The following C2orf66 variants were observed in gnomAD, a reference collection of about 807,000 sequenced individuals.
The protein encoded by C2orf66 is chromosome 2 open reading frame 66, also known as uncharacterized protein C2orf66.
A neutral mutation model predicts 7.0 loss-of-function variants in C2orf66; 6 were observed. That is an observed-to-expected ratio of 0.86 (90% confidence interval 0.47 to 1.69). The LOEUF is 1.69. Ranked by LOEUF, C2orf66 falls within the 40% of genes most tolerant of loss-of-function variation. C2orf66 has a pLI of 0.01. For missense variants in C2orf66, 107 were observed against 112.0 expected (o/e 0.96, Z 0.20); for synonymous variants, 38 against 43.8 (o/e 0.87, Z 0.52).
intron 2 of C2orf66, among the ~76,000 whole-genome samples, chr2:196,806,835 G>A (rs984979226): frequency 1.3e-5 from 2 of 151,982 alleles, no homozygotes; most frequent in South Asian, 2.1e-4. Context: ...CAGCCTGGGC[G>A]ACACAGTGAG....
chr2:196,812,686 A>C (rs997499382), upstream of C2orf66, among the ~76,000 whole-genome samples: 2 of 152,206 alleles, frequency 1.3e-5, no homozygotes, highest in African/African-American at 4.8e-5. Flanking sequence ...AGAAAACCCC[A>C]TTGTCTCAGC....
At chr2:196,808,253 CA>C (rs1402170149) in intron 1 of C2orf66, among the ~76,000 whole-genome samples, 1 of 152,194 alleles carries the variant, frequency 6.6e-6, no homozygotes, top group Non-Finnish European at 1.5e-5. Context: ...GGGCTCTTAT[CA>C]ACTGTGTTTT....
At chr2:196,828,562 C>T in the C2orf66 span, among the ~76,000 whole-genome samples, 2 of 152,024 alleles carry the variant, frequency 1.3e-5, no homozygotes, top group South Asian at 4.1e-4. Flanking sequence ...GATTGTTTAC[C>T]TTACATAATA....
the C2orf66 span, among the ~76,000 whole-genome samples, chr2:196,819,470 G>A: frequency 1.3e-5 from 2 of 152,238 alleles, no homozygotes; most frequent in Non-Finnish European, 1.5e-5. Flanking sequence ...CCCAATCTGT[G>A]CTGGCACCCT....
the C2orf66 span, among the ~76,000 whole-genome samples, chr2:196,824,431 G>T: frequency 3.3e-5 from 5 of 152,036 alleles, no homozygotes; most frequent in Non-Finnish European, 7.4e-5. Context: ...GAAAAGAACT[G>T]CTTACCTCTT....
At chr2:196,818,792 A>C in the C2orf66 span, among the ~76,000 whole-genome samples, 2 of 152,226 alleles carry the variant, frequency 1.3e-5, no homozygotes, top group Non-Finnish European at 2.9e-5. Context: ...TAAAATATAG[A>C]AGGCAGAATC....
chr2:196,817,538 C>T, the C2orf66 span, among the ~76,000 whole-genome samples: 7 of 152,028 alleles, frequency 4.6e-5, no homozygotes, highest in Admixed American at 2.0e-4. Flanking sequence ...CCTGGCCGCA[C>T]GTATTGTCTT....
the C2orf66 span, among the ~76,000 whole-genome samples, chr2:196,817,367 T>A: frequency 6.6e-6 from 1 of 151,564 alleles, no homozygotes; most frequent in African/African-American, 2.4e-5. Flanking sequence ...CCCAAGTAGC[T>A]GGGACCACAG....
the C2orf66 span, among the ~76,000 whole-genome samples, chr2:196,821,500 A>G: frequency 4.1e-3 from 625 of 152,336 alleles, 4 homozygotes; most frequent in African/African-American, 0.014. Context: ...AGGAAGGCTG[A>G]GCTTCTTCTG....
the C2orf66 span, among the ~76,000 whole-genome samples, chr2:196,818,502 G>C: frequency 1.3e-5 from 2 of 152,208 alleles, no homozygotes; most frequent in Admixed American, 6.5e-5. Flanking sequence ...ATTTGGGCTA[G>C]TAAGAGAGAG....
At chr2:196,810,028 G>A (rs1444719501), upstream of C2orf66, 1 of 152,140 alleles carries the variant, frequency 6.6e-6, no homozygotes, top group Non-Finnish European at 1.5e-5. Flanking sequence ...CTTGAGCAGG[G>A]GAGTTAAAAA....
chr2:196,814,628 T>C, the C2orf66 span, among the ~76,000 whole-genome samples: 3 of 152,058 alleles, frequency 2.0e-5, no homozygotes, highest in Non-Finnish European at 4.4e-5. Context: ...GTCACAACAC[T>C]ATAAACTCCT....
chr2:196,818,147 T>C, the C2orf66 span, among the ~76,000 whole-genome samples: 1 of 152,236 alleles, frequency 6.6e-6, no homozygotes, highest in South Asian at 2.1e-4. Flanking sequence ...TTTATGTTCC[T>C]CTGCTGCGGC....
chr2:196,814,582 TC>T, the C2orf66 span, among the ~76,000 whole-genome samples: 2 of 151,118 alleles, frequency 1.3e-5, no homozygotes, highest in Non-Finnish European at 3.0e-5. Context: ...AAAAAACAAA[TC>T]AAAAAAAAAA....
chr2:196,825,829 C>T, the C2orf66 span, among the ~76,000 whole-genome samples: 1 of 152,198 alleles, frequency 6.6e-6, no homozygotes, highest in Non-Finnish European at 1.5e-5. Flanking sequence ...TGGCTGCACA[C>T]AGTCCATAGG....
chr2:196,820,997 C>T, the C2orf66 span, among the ~76,000 whole-genome samples: 1 of 152,098 alleles, frequency 6.6e-6, no homozygotes, highest in Non-Finnish European at 1.5e-5. Flanking sequence ...CAGGGTATGC[C>T]CTCAAAGCAA....
intron 1 of C2orf66, 138 bp downstream of exon 1, chr2:196,809,075 TG>T: frequency 1.1e-6 from 1 of 886,826 alleles, no homozygotes; most frequent in Non-Finnish European, 1.7e-6. Context: ...AGTAAAACTC[TG>T]GTCCAATCCT....
the C2orf66 span, among the ~76,000 whole-genome samples, chr2:196,826,331 C>T: frequency 6.6e-6 from 1 of 152,100 alleles, no homozygotes; most frequent in African/African-American, 2.4e-5. Flanking sequence ...TTCATTACAA[C>T]CTTCTAAATT....
chr2:196,816,475 T>C, the C2orf66 span, among the ~76,000 whole-genome samples: 3 of 152,224 alleles, frequency 2.0e-5, no homozygotes, highest in Non-Finnish European at 1.5e-5. Flanking sequence ...TTCTTTGCTA[T>C]CATCAGTTTT....
Sources: allele counts gnomAD v4.1 joint callset (sites outside exome capture counted in the v4.1 genomes callset), GRCh38; gene constraint gnomAD v4.1.1; transcripts MANE v1.5; gene names NCBI Gene and HGNC (gene_info 2026-07-23, HGNC 2026-07-21).